Variants in CNTNAP5 observed in about 807,000 individuals in gnomAD.
CNTNAP5 encodes the protein contactin associated protein family member 5.
A neutral mutation model predicts 150.2 loss-of-function variants in CNTNAP5; 72 were observed. The observed-to-expected ratio is 0.48, with a 90% confidence interval of 0.40 to 0.58. CNTNAP5 has a LOEUF of 0.58. CNTNAP5 is among the 20% of genes least tolerant of loss of function. CNTNAP5 has a pLI of 0.00. For synonymous variants in CNTNAP5, 672 were observed against 619.8 expected (o/e 1.08, Z -1.25); for missense variants, 1,636 against 1,626.2 (o/e 1.01, Z -0.10).
At chr2:124,438,330 A>G (rs2104798302) in intron 5 of CNTNAP5, among the ~76,000 whole-genome samples, 1 of 152,300 alleles carries the variant, frequency 6.6e-6, no homozygotes, top group Non-Finnish European at 1.5e-5. Context: ...CCCTCTGCCG[A>G]ATTACAATAG....
intron 10 of CNTNAP5, among the ~76,000 whole-genome samples, chr2:124,561,050 T>C (rs1463052910): frequency 6.6e-6 from 1 of 151,986 alleles, no homozygotes; most frequent in African/African-American, 2.4e-5. Context: ...CTTGTTTTGT[T>C]GGGGGAGGGC....
At chr2:124,528,167 C>T (rs968175090) in intron 10 of CNTNAP5, among the ~76,000 whole-genome samples, 1 of 152,154 alleles carries the variant, frequency 6.6e-6, no homozygotes, top group Non-Finnish European at 1.5e-5. Context: ...GTCAAAATAT[C>T]GTTTATAGAA....
intron 3 of CNTNAP5, among the ~76,000 whole-genome samples, chr2:124,258,457 A>G (rs138922585): frequency 6.6e-6 from 1 of 152,292 alleles, no homozygotes; most frequent in South Asian, 2.1e-4. Context: ...GCATTTGGGT[A>G]AAAGAGCTGG....
chr2:124,755,309 G>A (rs973771175), intron 14 of CNTNAP5, among the ~76,000 whole-genome samples: 1 of 151,936 alleles, frequency 6.6e-6, no homozygotes, highest in African/African-American at 2.4e-5. Flanking sequence ...CTCATTATTT[G>A]AGCAATTGCA....
chr2:124,713,182 C>T (rs1410359447), intron 13 of CNTNAP5, among the ~76,000 whole-genome samples: 1 of 143,126 alleles, frequency 7.0e-6, no homozygotes, highest in East Asian at 2.1e-4. Context: ...CTCTTTTCCT[C>T]CTTCCTTCCT....
chr2:124,245,650 TGTATATATATACACACAAA>T (rs1686999643), intron 3 of CNTNAP5, among the ~76,000 whole-genome samples: 1 of 149,236 alleles, frequency 6.7e-6, no homozygotes. Context: ...TTTGTGTGTA[TGTATATATATACACACAAA>T]TATATATATA....
At chr2:124,207,668 T>C (rs556222234) in intron 1 of CNTNAP5, among the ~76,000 whole-genome samples, 82 of 152,228 alleles carry the variant, frequency 5.4e-4, no homozygotes, top group Non-Finnish European at 9.0e-4. Context: ...CCCAGGGTTG[T>C]AATTGCTTTC....
Position 124,481,427 on chromosome 2 carries a change from C to T in CNTNAP5, c.1062+6545C>T, listed in dbSNP as rs61172927. Among the ~76,000 whole-genome samples, 267 of 152,152 alleles carry T rather than the reference C, an allele frequency of 1.8e-3. 2 individuals carry two copies. Among genetic ancestry groups the T allele is most frequent in the African/African-American group, 6.2e-3 (256 of 41,516 alleles). ...TTTCTATCAGATAAGCAAATGTAAC[C>T]AGTTTCTTTTGCTCATCTGATAAAA... On this transcript the variant is annotated intron_variant, in intron 7 of 23. Transcript: ENST00000682447.
intron 1 of CNTNAP5, among the ~76,000 whole-genome samples, chr2:124,086,979 T>C (rs1177660449): frequency 6.6e-6 from 1 of 151,824 alleles, no homozygotes; most frequent in Non-Finnish European, 1.5e-5. Flanking sequence ...TATATAGCTT[T>C]ATTAGTAACT....
In CNTNAP5 at chr2:124,127,300, A is replaced by C. The variant is rs538076225; in HGVS notation, c.83-94405A>C. 2.8e-3 allele frequency among the ~76,000 whole-genome samples: 432 copies of C among 152,234 alleles called. 2 individuals carry two copies. The highest frequency in any genetic ancestry group is 1.0e-2 in the African/African-American group (415 of 41,544). ...AGAGAGCCATATCATGAGTGAACTC[A>C]CATTCACAATTGCTTCAAAGAGAAT... On this transcript the variant is annotated intron_variant, in intron 1 of 23. Transcript: ENST00000682447.
At chr2:124,435,222 C>A (rs1470678238) in intron 5 of CNTNAP5, among the ~76,000 whole-genome samples, 1 of 152,090 alleles carries the variant, frequency 6.6e-6, no homozygotes, top group African/African-American at 2.4e-5. Flanking sequence ...CCAGACTCAC[C>A]AGATTCCATT....
At chr2:124,668,886 C>T (rs144034875) in intron 13 of CNTNAP5, among the ~76,000 whole-genome samples, 21 of 152,222 alleles carry the variant, frequency 1.4e-4, no homozygotes, top group Non-Finnish European at 2.2e-4. Context: ...AGTGCTAGGG[C>T]ACTTTTCCTT....
At chr2:124,529,651 G>A (rs755231520) in intron 10 of CNTNAP5, among the ~76,000 whole-genome samples, 21 of 152,142 alleles carry the variant, frequency 1.4e-4, no homozygotes, top group Non-Finnish European at 2.2e-4. Context: ...GTTAATCAAC[G>A]TGAGCTGGAT....
chr2:124,501,066 A>G (rs761129641), intron 7 of CNTNAP5, among the ~76,000 whole-genome samples: 26 of 152,262 alleles, frequency 1.7e-4, no homozygotes, highest in South Asian at 6.2e-4. Flanking sequence ...TATAAGATAT[A>G]GGGAGGAAAA....
At chr2:124,836,601 A>G (rs754333587) in intron 19 of CNTNAP5, among the ~76,000 whole-genome samples, 13 of 152,024 alleles carry the variant, frequency 8.6e-5, no homozygotes, top group Non-Finnish European at 1.3e-4. Flanking sequence ...TCCCAGCTCT[A>G]TGTGAATGTG....
At chr2:124,712,170 C>A (rs1432771647) in intron 13 of CNTNAP5, among the ~76,000 whole-genome samples, 1 of 152,202 alleles carries the variant, frequency 6.6e-6, no homozygotes, top group Non-Finnish European at 1.5e-5. Context: ...TCTTCTGGGA[C>A]TTACCTCCCT....
At position 124,246,218 on chromosome 2, in the gene CNTNAP5, C is replaced by T. The variant is rs78175923; in HGVS notation, c.381+3825C>T. Among the ~76,000 whole-genome samples the T allele has an allele frequency of 1.6e-3, 238 of 152,216 alleles. 2 individuals carry two copies. The highest frequency in any genetic ancestry group is 5.5e-3 in the African/African-American group (227 of 41,546). On this transcript the variant is annotated intron_variant, in intron 3 of 23. Coordinates refer to ENST00000682447, the MANE Select transcript of CNTNAP5 (RefSeq NM_001367498.1). ...GAGATTTATTACATTTCACAAGGTT[C>T]GCTTCAGAAAAATAATCCTAAAAGG...
At chr2:124,137,920 C>T (rs1031405506) in intron 1 of CNTNAP5, among the ~76,000 whole-genome samples, 5 of 152,072 alleles carry the variant, frequency 3.3e-5, no homozygotes, top group Non-Finnish European at 4.4e-5. Context: ...AGGAGATGCC[C>T]TGCACATGCC....
At chr2:124,851,461 G>GTAAA (rs1683154611) in intron 19 of CNTNAP5, among the ~76,000 whole-genome samples, 2 of 152,194 alleles carry the variant, frequency 1.3e-5, no homozygotes, top group African/African-American at 2.4e-5. Flanking sequence ...TAAAGGAATG[G>GTAAA]GGTGTTGCCT....
Sources: allele counts gnomAD v4.1 joint callset (sites outside exome capture counted in the v4.1 genomes callset), GRCh38; gene constraint gnomAD v4.1.1; transcripts MANE v1.5; gene names NCBI Gene and HGNC (gene_info 2026-07-23, HGNC 2026-07-21).